The following SLC29A4 variants were observed in gnomAD, a reference collection of about 807,000 sequenced individuals.
SLC29A4 encodes the protein equilibrative nucleoside transporter 4.
A neutral mutation model predicts 43.9 loss-of-function variants in SLC29A4; 36 were observed. The ratio of observed to expected loss-of-function variants is 0.82; its 90% CI spans 0.63 to 1.08. The LOEUF is 1.08. SLC29A4 is among the 50% of genes least tolerant of loss of function. The pLI, the probability that SLC29A4 is intolerant of heterozygous loss-of-function variation, is 0.00. For synonymous variants in SLC29A4, 491 were observed against 338.0 expected (o/e 1.45, Z -4.97); for missense variants, 869 against 755.3 (o/e 1.15, Z -1.77).
chr7:5,284,857 G>A (rs59781129), intron 1 of SLC29A4, among the ~76,000 whole-genome samples: 2,654 of 152,326 alleles, frequency 0.017, 80 homozygotes, highest in African/African-American at 0.061. Flanking sequence ...CGCCTTCCTG[G>A]GTGGCGTGGC....
At chr7:5,296,896 T>C (rs1422862523) in intron 6 of SLC29A4, 40 bp from the exon 7 acceptor site, 3 of 1,437,472 alleles carry the variant, frequency 2.1e-6, no homozygotes, top group Admixed American at 3.9e-5. Flanking sequence ...TGCAGGGAGC[T>C]GGGCGGATCA....
At chr7:5,283,998 G>T (rs139479849) in intron 1 of SLC29A4, among the ~76,000 whole-genome samples, 1 of 150,982 alleles carries the variant, frequency 6.6e-6, no homozygotes, top group South Asian at 2.1e-4. Context: ...AGCCGGAGGG[G>T]GTCACTGGGC....
At chr7:5,300,819 G>A (rs1428550465) in intron 10 of SLC29A4, among the ~76,000 whole-genome samples, 157 bp downstream of exon 10, 2 of 152,234 alleles carry the variant, frequency 1.3e-5, no homozygotes, top group Non-Finnish European at 2.9e-5. Flanking sequence ...GACATTCTCA[G>A]CCACTTCATT....
rs774617060 is a variant in SLC29A4 at position 5,300,637 on chromosome 7, G to A, written c.1425G>A (p.Val475=). The A allele has an allele frequency of 1.2e-6, 2 of 1,609,806 alleles. No homozygotes were observed. Among genetic ancestry groups the A allele is most frequent in the Non-Finnish European group, 8.5e-7 (1 of 1,178,880 alleles). ...CCATGATCCTGGCGGCAGGCAAAGT[G>A]AGCCCCAAGCAGCGGGAGCTGGCAG... ...SVPMILAAGK[V]SPKQRELAGN... The change falls in exon 10 of 11, where the codon GTG becomes GTA. Residue 475 remains valine, a synonymous_variant. Coordinates refer to ENST00000396872, the MANE Select transcript of SLC29A4 (RefSeq NM_153247.4).
chr7:5,295,605 A>C (rs984182596), intron 6 of SLC29A4, among the ~76,000 whole-genome samples: 2 of 152,156 alleles, frequency 1.3e-5, no homozygotes, highest in African/African-American at 4.8e-5. Flanking sequence ...CAGGGTTCCC[A>C]ATCTTCCTTC....
In SLC29A4 at chr7:5,297,609, C is replaced by T. The variant is rs1432105259; in HGVS notation, c.882+411C>T. 3.3e-5 allele frequency among the ~76,000 whole-genome samples: 5 copies of T among 152,236 alleles called. No homozygotes were observed. In the East Asian group the frequency reaches 5.8e-4, roughly 18 times the overall value. On this transcript the variant is annotated intron_variant, in intron 7 of 10. Transcript: ENST00000396872. ...CCACGTTGGAGAGTCCTCCTGCAGG[C>T]TCAGCCTGGCAGCAAACTCTCTAGG... is the stretch of plus-strand genomic sequence containing the variant.
At chr7:5,283,591 G>A (rs1784786363) in intron 1 of SLC29A4, among the ~76,000 whole-genome samples, 2 of 152,224 alleles carry the variant, frequency 1.3e-5, no homozygotes, top group South Asian at 2.1e-4. Flanking sequence ...CCGGGCCGGG[G>A]AGGGCGGTGG....
In SLC29A4 at chr7:5,306,388, T is replaced by C. The variant is rs1583695227; in HGVS notation, c.*3449T>C. On this transcript the variant is annotated 3_prime_UTR_variant, in exon 11 of 11. Transcript: ENST00000396872. ...TTTTGTATTTTTAGTAGAGACGGGGTTTCACCACATTGCTCAGGCTGGTCT... is the reference window on the plus strand; with the variant it reads ...TTTTGTATTTTTAGTAGAGACGGGGCTTCACCACATTGCTCAGGCTGGTCT... The C allele has an allele frequency of 6.6e-6, 1 of 151,208 alleles. No individual in the cohort carries two copies. The highest frequency in any genetic ancestry group is 1.5e-5 in the Non-Finnish European group (1 of 67,864). The allele number at this position is 151,208 out of a possible 1,614,324, so 9.4% of individuals were successfully genotyped here.
chr7:5,300,439 C>A lies in SLC29A4; in HGVS notation c.1227C>A (p.Pro409=), dbSNP rs1380399484. 1.2e-6 allele frequency: 2 copies of A among 1,611,346 alleles called. No homozygotes were observed. Among genetic ancestry groups the A allele is most frequent in the African/African-American group, 1.3e-5 (1 of 74,822 alleles). ...DFVGKILAAL[P]VDWRGTHLLA... ...CTCTGCAGATCCTGGCAGCCCTGCC[C>A]GTGGACTGGCGGGGCACCCACCTGC... Residue 409 remains proline (P), a synonymous_variant, in exon 10 of 11, where the codon CCC becomes CCA. Coordinates refer to ENST00000396872, the MANE Select transcript of SLC29A4 (RefSeq NM_153247.4).
chr7:5,284,505 C>T (rs945653283), intron 1 of SLC29A4, among the ~76,000 whole-genome samples: 4 of 152,250 alleles, frequency 2.6e-5, no homozygotes, highest in Non-Finnish European at 5.9e-5. Flanking sequence ...ATCAAGGGGT[C>T]ACGGCAGCGC....
chr7:5,289,286 A>C (rs1785161090), intron 2 of SLC29A4, among the ~76,000 whole-genome samples: 1 of 152,060 alleles, frequency 6.6e-6, no homozygotes, highest in Non-Finnish European at 1.5e-5. Context: ...AATCCCAGCT[A>C]CTTCAGAGGC....
chr7:5,301,798 T>C (rs1017221057), intron 10 of SLC29A4, among the ~76,000 whole-genome samples: 1 of 152,020 alleles, frequency 6.6e-6, no homozygotes, highest in African/African-American at 2.4e-5. Flanking sequence ...GGTCCACTGC[T>C]CAAGGCAAGA....
chr7:5,295,130 G>A (rs1422200244), intron 6 of SLC29A4, among the ~76,000 whole-genome samples, 196 bp downstream of exon 6: 1 of 152,152 alleles, frequency 6.6e-6, no homozygotes, highest in African/African-American at 2.4e-5. Context: ...TCCCACATGG[G>A]AGGGACATGT....
At position 5,290,845 on chromosome 7, in the gene SLC29A4, C is replaced by T. The variant is rs761080242; in HGVS notation, c.283C>T (p.Leu95=). Residue 95 remains leucine, a synonymous_variant, in exon 3 of 11, where the codon CTG becomes TTG. Transcript: ENST00000396872. ...CAGCTTCATCACGGACGTGGACTAC[C>T]TGCATCACAAGTACCCAGGTGGGTC... ...YNSFITDVDY[L]HHKYPGTSIV... 2.0e-5 allele frequency: 33 copies of T among 1,612,956 alleles called. No individual in the cohort carries two copies. Among genetic ancestry groups the T allele is most frequent in the Admixed American group, 5.0e-5 (3 of 59,990 alleles).
At chr7:5,297,390 C>T (rs988033926) in intron 7 of SLC29A4, among the ~76,000 whole-genome samples, 192 bp downstream of exon 7, 2 of 152,234 alleles carry the variant, frequency 1.3e-5, no homozygotes, top group African/African-American at 2.4e-5. Flanking sequence ...TACTGGCACC[C>T]CACGTCTCGT....
rs1415595584 is a variant in SLC29A4 at position 5,306,478 on chromosome 7, C to G, written c.*3539C>G. ...CTAAAGTGCTGGGATTACAGGCACG[C>G]TCTACCACACCTGGCTAATTTTTTT... On this transcript the variant is annotated 3_prime_UTR_variant, in exon 11 of 11. Transcript: ENST00000396872. 6.6e-6 allele frequency: 1 copy of G among 152,010 alleles called. No individual in the cohort carries two copies. The highest frequency in any genetic ancestry group is 1.5e-5 in the Non-Finnish European group (1 of 68,022). The allele number at this position is 152,010 out of a possible 1,614,324, so 9.4% of individuals were successfully genotyped here.
chr7:5,287,782 C>G, intron 1 of SLC29A4, 27 bp from the exon 2 acceptor site: 7 of 1,603,774 alleles, frequency 4.4e-6, no homozygotes, highest in Non-Finnish European at 5.1e-6. Flanking sequence ...CTTCCCTCAC[C>G]TGCTCTCTCT....
rs968699903 is a variant in SLC29A4 at position 5,303,878 on chromosome 7, T to A, written c.*939T>A. 2.0e-5 allele frequency: 3 copies of A among 152,148 alleles called. No individual in the cohort carries two copies. Among genetic ancestry groups the A allele is most frequent in the African/African-American group, 7.2e-5 (3 of 41,424 alleles). The allele number at this position is 152,148 out of a possible 1,614,324, so 9.4% of individuals were successfully genotyped here. A position where few individuals can be genotyped will look rare whatever the true frequency, so the allele number is the denominator to read the frequency against. ...CACCAGGCCCGTGTGGGTGGCACCC[T>A]GAGGTCAGGGGATCCTAAGGGTGTC... On this transcript the variant is annotated 3_prime_UTR_variant, in exon 11 of 11. Coordinates refer to ENST00000396872, the MANE Select transcript of SLC29A4 (RefSeq NM_153247.4).
At chr7:5,286,500 G>A (rs1784956848) in intron 1 of SLC29A4, among the ~76,000 whole-genome samples, 1 of 150,462 alleles carries the variant, frequency 6.6e-6, no homozygotes, top group Non-Finnish European at 1.5e-5. Flanking sequence ...TCCAGCCTGG[G>A]CGACAGAGCA....
Sources: gnomAD v4.1 joint callset for allele counts (sites outside exome capture counted in the v4.1 genomes callset) on GRCh38, gnomAD v4.1.1 for gene constraint, MANE v1.5 for transcripts, NCBI Gene and HGNC (gene_info 2026-07-23, HGNC 2026-07-21) for gene names.